ZNF454: variants seen among roughly 807,000 people sequenced by gnomAD.
ZNF454 encodes the protein zinc finger protein 454.
In ZNF454, 30 loss-of-function variants were observed where a neutral mutation model predicts 48.2. The ratio of observed to expected loss-of-function variants is 0.62; its 90% CI spans 0.47 to 0.84. The LOEUF (loss-of-function observed/expected upper bound fraction) is 0.84, where lower values mean the gene tolerates loss of function less well. ZNF454 is among the 40% of genes least tolerant of loss of function. The pLI is 0.00. For synonymous variants in ZNF454, 204 were observed against 211.4 expected, an observed-to-expected ratio of 0.97 and a Z score of 0.30; for missense variants, 510 against 623.1, an observed-to-expected ratio of 0.82 and a Z score of 1.93.
chr5:178,954,290 A>G (rs1487450031), intron 4 of ZNF454, among the ~76,000 whole-genome samples: 1 of 152,104 alleles, frequency 6.6e-6, no homozygotes, highest in Non-Finnish European at 1.5e-5. Context: ...TGTCTTAAAA[A>G]AATAAAAATA....
rs184601491 is a variant in ZNF454 at position 178,954,473 on chromosome 5, A to C, written c.250+7487A>C. Reference sequence around the variant, plus strand: ...TTATCAAAATTCTCATCTTTTATGCACTTTGGTGTATGTGCTTTTTGACAG... The same window carrying C: ...TTATCAAAATTCTCATCTTTTATGCCCTTTGGTGTATGTGCTTTTTGACAG... On this transcript the variant is annotated intron_variant, in intron 4 of 4. Coordinates refer to ENST00000519564, the MANE Select transcript of ZNF454 (RefSeq NM_001178089.3). Among the ~76,000 whole-genome samples, 26 of 152,176 alleles carry C rather than the reference A, an allele frequency of 1.7e-4. No individual in the cohort carries two copies. In the East Asian group the frequency reaches 4.1e-3, roughly 24 times the overall value.
chr5:178,985,030 C>G, the ZNF454 span, among the ~76,000 whole-genome samples: 9 of 152,120 alleles, frequency 5.9e-5, no homozygotes, highest in Admixed American at 1.3e-4. Context: ...TTAGGAAAAT[C>G]CCCCAAAGGA....
At chr5:178,981,990 A>G in the ZNF454 span, 8 of 768,466 alleles carry the variant, frequency 1.0e-5, no homozygotes, top group Admixed American at 1.8e-5. This position sits in a 1 kb window ranked among gnomAD's most constrained non-coding sequence, Gnocchi z 5.1. Flanking sequence ...GACCAGGACA[A>G]CAGTATGAGC....
chr5:178,946,117 C>T lies in ZNF454; in HGVS notation c.34-242C>T, dbSNP rs772664052. 1.8e-4 allele frequency among the ~76,000 whole-genome samples: 27 copies of T among 152,132 alleles called. No individual in the cohort carries two copies. The highest frequency in any genetic ancestry group is 2.9e-4 in the Non-Finnish European group (20 of 67,980). On this transcript the variant is annotated intron_variant, in intron 2 of 4. Transcript: ENST00000519564. This position sits in a 1 kb window ranked among gnomAD's most constrained non-coding sequence, Gnocchi z 4.5. ...TAAATGAATGGCAAGTTGGAAGTCC[C>T]AGTGCTGAGAAAGCCTATCTTCGCC...
intron 4 of ZNF454, among the ~76,000 whole-genome samples, chr5:178,948,679 A>G (rs866747361): frequency 6.6e-6 from 1 of 152,170 alleles, no homozygotes; most frequent in African/African-American, 2.4e-5. Flanking sequence ...TGGTTTGGGA[A>G]GGGTGATTAG....
the ZNF454 span, chr5:178,983,294 C>G: frequency 7.4e-7 from 1 of 1,349,524 alleles, no homozygotes; most frequent in South Asian, 1.2e-5. Flanking sequence ...ACAGAGGCCC[C>G]TGCGGGTCAG....
At chr5:178,972,450 G>GGGCCC in the ZNF454 span, among the ~76,000 whole-genome samples, 1 of 149,228 alleles carries the variant, frequency 6.7e-6, no homozygotes, top group Non-Finnish European at 1.5e-5. Context: ...TGTCCCTACT[G>GGGCCC]CACCTAATGG....
the ZNF454 span, chr5:178,986,439 G>A: frequency 1.7e-5 from 28 of 1,613,218 alleles, no homozygotes; most frequent in African/African-American, 2.7e-5. Context: ...GCACGAAGGT[G>A]GCCACCACCG....
At chr5:178,988,554 G>A in the ZNF454 span, among the ~76,000 whole-genome samples, 103 of 152,246 alleles carry the variant, frequency 6.8e-4, no homozygotes, top group African/African-American at 2.2e-3. This position sits in a 1 kb window ranked among gnomAD's most constrained non-coding sequence, Gnocchi z 6.0. Flanking sequence ...CAGAGTGGGC[G>A]GCATGTCCCT....
At chr5:178,979,269 A>T in the ZNF454 span, 4 of 152,234 alleles carry the variant, frequency 2.6e-5, no homozygotes, top group Admixed American at 1.3e-4. Flanking sequence ...TAAAGAAATG[A>T]TCACAGGCAG....
At chr5:178,987,802 C>T in the ZNF454 span, among the ~76,000 whole-genome samples, 32 of 152,000 alleles carry the variant, frequency 2.1e-4, no homozygotes, top group Admixed American at 5.9e-4. Context: ...CTGTGTCGCC[C>T]AGGCTGGAGT....
At chr5:178,945,246 G>A (rs908404299) in intron 2 of ZNF454, among the ~76,000 whole-genome samples, 2 of 151,652 alleles carry the variant, frequency 1.3e-5, no homozygotes, top group Non-Finnish European at 2.9e-5. Flanking sequence ...GTATTTGTAT[G>A]TTGGGGTATG....
intron 4 of ZNF454, among the ~76,000 whole-genome samples, chr5:178,963,713 A>C (rs563143984): frequency 3.9e-4 from 59 of 151,654 alleles, no homozygotes; most frequent in Non-Finnish European, 6.0e-4. Context: ...TTTCCCTCCC[A>C]TGGGTGTCAC....
chr5:178,985,457 AC>A, the ZNF454 span, among the ~76,000 whole-genome samples: 1 of 151,708 alleles, frequency 6.6e-6, no homozygotes, highest in Non-Finnish European at 1.5e-5. Flanking sequence ...TCATCCCAGC[AC>A]TTTGGGAGGC....
chr5:178,985,528 C>A, the ZNF454 span: 217 of 338,702 alleles, frequency 6.4e-4, 1 homozygote, highest in Non-Finnish European at 8.1e-4. Context: ...ACGGTGAAGC[C>A]CTGTCTCTAC....
At chr5:178,986,270 T>TCGTGCC in the ZNF454 span, 1 of 1,613,990 alleles carries the variant, frequency 6.2e-7, no homozygotes, top group Non-Finnish European at 8.5e-7. Flanking sequence ...TAGCTGAGGG[T>TCGTGCC]CGTGCCCAGG....
chr5:178,953,986 T>A (rs1039732669), intron 4 of ZNF454, among the ~76,000 whole-genome samples: 2 of 152,068 alleles, frequency 1.3e-5, no homozygotes, highest in Admixed American at 6.6e-5. Flanking sequence ...CAACCAGGCA[T>A]GTTGGCTCAC....
intron 4 of ZNF454, among the ~76,000 whole-genome samples, chr5:178,950,006 A>T (rs553465706): frequency 3.9e-5 from 6 of 152,104 alleles, no homozygotes. Context: ...GTAATTTTCC[A>T]TTGTTGCACT....
At chr5:178,974,102 G>T in the ZNF454 span, among the ~76,000 whole-genome samples, 8 of 152,154 alleles carry the variant, frequency 5.3e-5, no homozygotes, top group Non-Finnish European at 1.2e-4. Context: ...AAACGTGGAT[G>T]CCTGAAGTTA....
Sources: gnomAD v4.1 joint callset for allele counts (sites outside exome capture counted in the v4.1 genomes callset) on GRCh38, gnomAD v4.1.1 for gene constraint, Gnocchi (gnomAD v3.1) non-coding constraint, MANE v1.5 for transcripts, NCBI Gene and HGNC (gene_info 2026-07-23, HGNC 2026-07-21) for gene names.